Variants in ZCCHC14 observed in about 807,000 individuals in gnomAD.
The protein encoded by ZCCHC14 is zinc finger CCHC domain-containing protein 14.
Under a neutral mutation model 85.0 loss-of-function variants are expected in ZCCHC14, and 16 were observed. The ratio of observed to expected loss-of-function variants is 0.19; its 90% CI spans 0.13 to 0.29. The LOEUF (loss-of-function observed/expected upper bound fraction) is 0.29. Ranked by LOEUF, ZCCHC14 falls within the 10% of genes least tolerant of loss-of-function variation. ZCCHC14 has a pLI of 1.00. For synonymous variants in ZCCHC14, 775 were observed against 630.7 expected (o/e 1.23, Z -3.43); for missense variants, 1,303 against 1,443.5 (o/e 0.90, Z 1.58).
intron 2 of ZCCHC14, among the ~76,000 whole-genome samples, chr16:87,433,674 C>G (rs935133906): frequency 1.5e-4 from 22 of 149,844 alleles, no homozygotes; most frequent in African/African-American, 4.9e-4. Flanking sequence ...CTTCTTTTTT[C>G]TTTTTTTTTT....
Position 87,411,838 on chromosome 16 carries a change from G to C in ZCCHC14, c.2883C>G (p.Phe961Leu). The C allele has an allele frequency of 6.2e-7, 1 of 1,610,922 alleles. No homozygotes were observed. The highest frequency in any genetic ancestry group is 1.1e-5 in the South Asian group (1 of 90,698). ...TGCTGCACATGGGACTGAAGGGCAA[G>C]AAGGGGAAGGTGAACACGGACGGAC... ...FSGPSVFTFPFLPFSPMCSSG... is the reference protein window; with the variant it reads ...FSGPSVFTFPLLPFSPMCSSG... The change falls in exon 12 of 13, where the codon TTC becomes TTG. Residue 961 changes from phenylalanine (F) to leucine (L), a missense_variant. By Grantham distance (22) the Phe-to-Leu change is conservative. Around this residue, in one of 7 missense-constraint regions of ZCCHC14, gnomAD observed 797 missense variants for 730.8 expected, o/e 1.09. Coordinates refer to ENST00000671377, the MANE Select transcript of ZCCHC14 (RefSeq NM_015144.3).
intron 1 of ZCCHC14, among the ~76,000 whole-genome samples, chr16:87,477,972 G>A (rs146003574): frequency 7.3e-5 from 11 of 151,250 alleles, no homozygotes; most frequent in Admixed American, 5.3e-4. Context: ...TCCCGAGTCC[G>A]CTGCCCATCA....
chr16:87,468,481 T>C (rs1911632354), intron 1 of ZCCHC14, among the ~76,000 whole-genome samples: 2 of 148,564 alleles, frequency 1.3e-5, no homozygotes, highest in Admixed American at 6.7e-5. Flanking sequence ...AAAAAAGTGG[T>C]CCTCCACTTC....
intron 3 of ZCCHC14, among the ~76,000 whole-genome samples, chr16:87,424,553 T>C (rs1909270025): frequency 6.6e-6 from 1 of 152,154 alleles, no homozygotes; most frequent in South Asian, 2.1e-4. Flanking sequence ...TGTCACTGCA[T>C]GGCTCCACGG....
chr16:87,441,717 A>C (rs1478621632), intron 2 of ZCCHC14, among the ~76,000 whole-genome samples: 1 of 152,276 alleles, frequency 6.6e-6, no homozygotes, highest in Non-Finnish European at 1.5e-5. Context: ...AAATAGCCAC[A>C]TATTCTAGCG....
intron 3 of ZCCHC14, among the ~76,000 whole-genome samples, chr16:87,429,974 T>G (rs554631584): frequency 3.9e-5 from 6 of 152,248 alleles, no homozygotes; most frequent in Non-Finnish European, 2.9e-5. Context: ...AAATCCTTCA[T>G]CAGCTACATG....
At chr16:87,485,530 T>C (rs1185705470) in intron 1 of ZCCHC14, among the ~76,000 whole-genome samples, 1 of 150,620 alleles carries the variant, frequency 6.6e-6, no homozygotes, top group African/African-American at 2.5e-5. Flanking sequence ...ATTAGGTAAC[T>C]TGCAGCTACA....
chr16:87,410,163 G>C lies in ZCCHC14; in HGVS notation c.*117C>G, dbSNP rs1200781303. The C allele has an allele frequency of 1.8e-6, 1 of 568,402 alleles. No individual in the cohort carries two copies. The highest frequency in any genetic ancestry group is 3.0e-5 in the East Asian group (1 of 33,598). 35.2% of individuals were successfully genotyped at this position (568,402 alleles called of 1,614,324 possible). A position where few individuals can be genotyped will look rare whatever the true frequency, so the allele number is the denominator to read the frequency against. ...AGATTTTCTATCCAGTCTAGGAAAAGTAAAGCACCTTTGGATTAAAAAGAT... is the reference window on the plus strand; with the variant it reads ...AGATTTTCTATCCAGTCTAGGAAAACTAAAGCACCTTTGGATTAAAAAGAT... On this transcript the variant is annotated 3_prime_UTR_variant, in exon 13 of 13. Coordinates refer to ENST00000671377, the MANE Select transcript of ZCCHC14 (RefSeq NM_015144.3).
chr16:87,417,329 T>G, intron 8 of ZCCHC14, 131 bp downstream of exon 8: 1 of 1,372,096 alleles, frequency 7.3e-7, no homozygotes, highest in Non-Finnish European at 1.0e-6. Flanking sequence ...CCGTCTCCCT[T>G]AAGAACAGGC....
chr16:87,480,971 G>C (rs1469213136), intron 1 of ZCCHC14, among the ~76,000 whole-genome samples: 1 of 152,176 alleles, frequency 6.6e-6, no homozygotes, highest in Non-Finnish European at 1.5e-5. Flanking sequence ...GATCACAAAG[G>C]CCATGGCACA....
At chr16:87,459,626 C>T (rs1040738860) in intron 2 of ZCCHC14, among the ~76,000 whole-genome samples, 1 of 151,944 alleles carries the variant, frequency 6.6e-6, no homozygotes, top group African/African-American at 2.4e-5. Flanking sequence ...TCTCCTGCCT[C>T]AGCCTCCCGA....
chr16:87,450,981 C>CA (rs1292928273), intron 2 of ZCCHC14, among the ~76,000 whole-genome samples: 1 of 152,168 alleles, frequency 6.6e-6, no homozygotes, highest in East Asian at 1.9e-4. Flanking sequence ...TCACAACAAC[C>CA]TCTGCCTCCT....
chr16:87,424,728 A>G (rs1045023207), intron 3 of ZCCHC14, among the ~76,000 whole-genome samples: 2 of 152,122 alleles, frequency 1.3e-5, no homozygotes, highest in African/African-American at 4.8e-5. Flanking sequence ...GAGTTTCTGC[A>G]TGGAGAAGAG....
intron 2 of ZCCHC14, among the ~76,000 whole-genome samples, chr16:87,434,641 C>T (rs917387459): frequency 6.6e-5 from 10 of 152,236 alleles, no homozygotes; most frequent in South Asian, 4.1e-4. Context: ...GCCCTCTCCA[C>T]GGGCGCCAGT....
intron 2 of ZCCHC14, among the ~76,000 whole-genome samples, chr16:87,435,901 G>C (rs1421236685): frequency 6.6e-6 from 1 of 152,276 alleles, no homozygotes; most frequent in African/African-American, 2.4e-5. Context: ...CGCTGTTCCT[G>C]CCTGACTTCC....
chr16:87,434,326 G>A (rs529898319), intron 2 of ZCCHC14, among the ~76,000 whole-genome samples: 206 of 152,336 alleles, frequency 1.4e-3, no homozygotes, highest in Middle Eastern at 3.4e-3. Context: ...ATCCAGCGCT[G>A]AAGTTTCTCA....
intron 1 of ZCCHC14, chr16:87,473,129 A>T (rs1374889909): frequency 6.6e-6 from 1 of 152,206 alleles, no homozygotes; most frequent in Admixed American, 6.5e-5. Flanking sequence ...GCATAGATGC[A>T]ATCTAACTCC....
intron 1 of ZCCHC14, among the ~76,000 whole-genome samples, chr16:87,486,883 A>G (rs1912535201): frequency 6.6e-6 from 1 of 152,188 alleles, no homozygotes; most frequent in African/African-American, 2.4e-5. Context: ...TATTCCTTTA[A>G]CCATCAGTGA....
rs1317490324 is a variant in ZCCHC14 at position 87,433,117 on chromosome 16, T to C, written c.768+11A>G. 2 of 1,613,800 alleles carry C rather than the reference T, an allele frequency of 1.2e-6. No individual in the cohort carries two copies. The highest frequency in any genetic ancestry group is 1.3e-5 in the African/African-American group (1 of 74,940). On this transcript the variant is annotated intron_variant, in intron 3 of 12. Transcript: ENST00000671377. ...TTCCAGGAGAGAGGGGAAAAAAACTTAGCATCTTACCTCAAAGGAACATTC... is the reference window on the plus strand; with the variant it reads ...TTCCAGGAGAGAGGGGAAAAAAACTCAGCATCTTACCTCAAAGGAACATTC...
Sources: allele counts gnomAD v4.1 joint callset (sites outside exome capture counted in the v4.1 genomes callset), GRCh38; gene constraint gnomAD v4.1.1; regional missense constraint gnomAD v4.1.1; transcripts MANE v1.5; gene names NCBI Gene and HGNC (gene_info 2026-07-23, HGNC 2026-07-21).